ZFAT: variants seen among roughly 807,000 people sequenced by gnomAD.
The protein encoded by ZFAT is zinc finger protein ZFAT.
In ZFAT, 64 loss-of-function variants were observed where a neutral mutation model predicts 117.7. The ratio of observed to expected loss-of-function variants is 0.54; its 90% confidence interval spans 0.44 to 0.67. ZFAT has a LOEUF of 0.67. Among genes scored for constraint, ZFAT ranks in the 30% least tolerant of loss-of-function variants. The probability of loss-of-function intolerance (pLI) is 0.00; values close to 1 mark genes in which losing one functional copy is unlikely to be tolerated. For synonymous variants in ZFAT, 679 were observed against 615.0 expected (o/e 1.10, Z -1.54); for missense variants, 1,433 against 1,584.5 (o/e 0.90, Z 1.62).
chr8:134,697,136 C>A (rs576230170), intron 1 of ZFAT, among the ~76,000 whole-genome samples: 1 of 147,962 alleles, frequency 6.8e-6, no homozygotes, highest in Non-Finnish European at 1.5e-5. Context: ...AGTCTCACTC[C>A]GTTGGTCTCG....
intron 1 of ZFAT, among the ~76,000 whole-genome samples, chr8:134,703,234 A>T (rs1391913803): frequency 6.6e-6 from 1 of 152,142 alleles, no homozygotes; most frequent in Non-Finnish European, 1.5e-5. Flanking sequence ...TTTAATTTGC[A>T]TTTTCCTAGG....
Position 134,602,346 on chromosome 8 carries a change from T to A in ZFAT, c.1373A>T (p.Tyr458Phe). ...CTTCTTGCGGCAGACGGCACAGACG[T>A]ACACGAAGGGGTGCTTCCTGACATG... ...ELHVRKHPFV[Y>F]VCAVCRKKFV... is the part of the protein sequence containing the mutation. The change falls in exon 6 of 16, where the codon TAC becomes TTC. Residue 458 changes from tyrosine (Y) to phenylalanine (F), a missense_variant. By Grantham distance (22) the Tyr-to-Phe change is conservative. Transcript: ENST00000377838. 6.2e-7 allele frequency: 1 copy of A among 1,613,846 alleles called. No individual in the cohort carries two copies. The highest frequency in any genetic ancestry group is 2.2e-5 in the East Asian group (1 of 44,880).
At chr8:134,663,571 CA>C (rs1832049912) in intron 1 of ZFAT, among the ~76,000 whole-genome samples, 1 of 151,760 alleles carries the variant, frequency 6.6e-6, no homozygotes, top group Non-Finnish European at 1.5e-5. Flanking sequence ...ACCCCGTCTC[CA>C]CTAAAAATAC....
At chr8:134,483,494 A>G (rs1817458477) in intron 15 of ZFAT, among the ~76,000 whole-genome samples, 1 of 152,190 alleles carries the variant, frequency 6.6e-6, no homozygotes, top group Admixed American at 6.5e-5. Context: ...AGAACTCTCA[A>G]CCACTCTCTT....
At chr8:134,757,387 AAG>A in the ZFAT span, among the ~76,000 whole-genome samples, 1 of 152,200 alleles carries the variant, frequency 6.6e-6, no homozygotes, top group Admixed American at 6.5e-5. Context: ...CTCTCCAGCT[AAG>A]AGTCTGTTTG....
At chr8:134,808,396 T>C in the ZFAT span, among the ~76,000 whole-genome samples, 291 of 152,336 alleles carry the variant, frequency 1.9e-3, 3 homozygotes, top group African/African-American at 6.6e-3. Context: ...TCTTTTGCCT[T>C]TATTTTCTTG....
At chr8:134,656,861 C>T (rs147566224) in intron 2 of ZFAT, among the ~76,000 whole-genome samples, 1 of 152,132 alleles carries the variant, frequency 6.6e-6, no homozygotes, top group African/African-American at 2.4e-5. Flanking sequence ...AATTACAGTG[C>T]CTGGATGGTT....
At chr8:134,752,290 A>T in the ZFAT span, among the ~76,000 whole-genome samples, 1 of 152,168 alleles carries the variant, frequency 6.6e-6, no homozygotes, top group African/African-American at 2.4e-5. Flanking sequence ...GCCAAAAGTC[A>T]AACTTCTGAA....
intron 15 of ZFAT, among the ~76,000 whole-genome samples, chr8:134,486,246 CCCGCAAGCCTGTGCCCT>C (rs765104974): frequency 1.1e-3 from 162 of 152,180 alleles, no homozygotes; most frequent in Non-Finnish European, 1.9e-3. Context: ...CCAGTGCCCT[CCCGCAAGCCTGTGCCCT>C]CCGTCAGGCA....
chr8:134,825,026 A>G, the ZFAT span, among the ~76,000 whole-genome samples: 112 of 152,344 alleles, frequency 7.4e-4, 1 homozygote, highest in African/African-American at 2.6e-3. Context: ...TTCTCCATCT[A>G]TAACTATGGT....
intron 1 of ZFAT, among the ~76,000 whole-genome samples, chr8:134,682,145 C>G (rs1448394608): frequency 6.6e-6 from 1 of 152,278 alleles, no homozygotes; most frequent in African/African-American, 2.4e-5. Flanking sequence ...TGAGCTGGCA[C>G]CAGCAGAGGC....
intron 12 of ZFAT, among the ~76,000 whole-genome samples, chr8:134,528,468 G>A (rs1821172406): frequency 6.6e-6 from 1 of 152,150 alleles, no homozygotes; most frequent in Admixed American, 6.5e-5. Flanking sequence ...CACAGTTTCT[G>A]GATTTCCTGC....
chr8:134,653,419 GTTTTTTTTTTTT>G (rs61711569), intron 2 of ZFAT, among the ~76,000 whole-genome samples: 2 of 51,338 alleles, frequency 3.9e-5, no homozygotes, highest in Non-Finnish European at 6.6e-5. Flanking sequence ...CGTTTTATCT[GTTTTTTTTTTTT>G]TTTTTTTTTT....
rs541220364 is a variant in ZFAT at position 134,570,217 on chromosome 8, T to G, written c.2888-4796A>C. Among the ~76,000 whole-genome samples the G allele has an allele frequency of 4.4e-3, 667 of 152,332 alleles. 4 individuals are homozygous for G. Among genetic ancestry groups the G allele is most frequent in the African/African-American group, 0.015 (620 of 41,572 alleles). On this transcript the variant is annotated intron_variant, in intron 10 of 15. Transcript: ENST00000377838. ...CTCAAGTCTCTGTTCAAATGTCACC[T>G]TCACACTGAGTCCTTTCAGACCATT...
chr8:134,546,269 C>G (rs1822683539), intron 11 of ZFAT, among the ~76,000 whole-genome samples: 1 of 152,120 alleles, frequency 6.6e-6, no homozygotes, highest in African/African-American at 2.4e-5. Flanking sequence ...ATCAAGTTAC[C>G]CAGGTGGAGA....
At chr8:134,802,832 T>C in the ZFAT span, among the ~76,000 whole-genome samples, 2 of 152,362 alleles carry the variant, frequency 1.3e-5, no homozygotes, top group Admixed American at 6.5e-5. Context: ...TACAGGCTTA[T>C]TGACAAATAC....
At chr8:134,772,948 C>A in the ZFAT span, among the ~76,000 whole-genome samples, 1 of 151,926 alleles carries the variant, frequency 6.6e-6, no homozygotes, top group Non-Finnish European at 1.5e-5. Flanking sequence ...AAAAACTAGC[C>A]TGGCATAGCA....
At chr8:134,531,143 G>A (rs914115336) in intron 12 of ZFAT, among the ~76,000 whole-genome samples, 1 of 152,202 alleles carries the variant, frequency 6.6e-6, no homozygotes, top group Non-Finnish European at 1.5e-5. Context: ...AAGTTAACTG[G>A]AAACTTAGGG....
At chr8:134,756,597 G>A in the ZFAT span, among the ~76,000 whole-genome samples, 1 of 152,210 alleles carries the variant, frequency 6.6e-6, no homozygotes, top group Non-Finnish European at 1.5e-5. Context: ...TCCAGATGCT[G>A]GGCACACTGC....
Sources: allele counts gnomAD v4.1 joint callset (sites outside exome capture counted in the v4.1 genomes callset), GRCh38; gene constraint gnomAD v4.1.1; transcripts MANE v1.5; gene names NCBI Gene and HGNC (gene_info 2026-07-23, HGNC 2026-07-21).